Variants in PATJ observed in about 807,000 individuals in gnomAD.
PATJ encodes PATJ crumbs cell polarity complex component.
A neutral mutation model predicts 224.9 loss-of-function variants in PATJ; 190 were observed. That is an observed-to-expected ratio of 0.84 (90% CI 0.75 to 0.95). The LOEUF (loss-of-function observed/expected upper bound fraction) is 0.95. PATJ is among the 40% of genes least tolerant of loss of function. The pLI, the probability that PATJ is intolerant of heterozygous loss-of-function variation, is 0.00. For missense variants in PATJ, 2,121 were observed against 2,270.3 expected (o/e 0.93, Z 1.34); for synonymous variants, 769 against 820.3 (o/e 0.94, Z 1.07).
intron 29 of PATJ, among the ~76,000 whole-genome samples, chr1:62,035,304 A>T (rs11590485): frequency 0.36 from 54,730 of 152,042 alleles, 10,379 homozygotes; most frequent in Middle Eastern, 0.48. Flanking sequence ...TTTTCTCCCA[A>T]TTGCTTTGGT....
chr1:62,045,421 A>G (rs188306082), intron 30 of PATJ, among the ~76,000 whole-genome samples: 3 of 152,306 alleles, frequency 2.0e-5, no homozygotes, highest in African/African-American at 4.8e-5. Context: ...CACTTCTGCA[A>G]TCACTTATGT....
chr1:62,146,401 CA>C (rs963385534), intron 41 of PATJ, among the ~76,000 whole-genome samples: 160 of 152,294 alleles, frequency 1.1e-3, no homozygotes, highest in African/African-American at 3.8e-3. Context: ...TCCATTGTAA[CA>C]GAAACATCCT....
At chr1:62,142,660 C>T (rs1057193142) in intron 41 of PATJ, among the ~76,000 whole-genome samples, 6 of 152,126 alleles carry the variant, frequency 3.9e-5, no homozygotes, top group Non-Finnish European at 7.3e-5. Context: ...GTGAGAAATA[C>T]TTGGAGAGTG....
In PATJ at chr1:62,125,288, A is replaced by G. The variant is rs139957048; in HGVS notation, c.5043+2230A>G. Among the ~76,000 whole-genome samples the G allele has an allele frequency of 6.0e-3, 902 of 149,266 alleles. 13 individuals are homozygous for G. The highest frequency in any genetic ancestry group is 0.021 in the African/African-American group (828 of 40,130). ...ACAAAAAAAAAACGCCATTAGCTCT[A>G]TAATAGTTAGCAACTCAACCTCAAT... On this transcript the variant is annotated intron_variant, in intron 39 of 43. Coordinates refer to ENST00000642238, the MANE Select transcript of PATJ (RefSeq NM_001350145.3).
At chr1:61,796,660 TTC>T (rs1431123649) in intron 10 of PATJ, among the ~76,000 whole-genome samples, 2 of 49,984 alleles carry the variant, frequency 4.0e-5, no homozygotes, top group Admixed American at 2.5e-4. Context: ...TAAATTTATT[TTC>T]TTTCTTTCTT....
rs1394385220 is a variant in PATJ at position 62,060,223 on chromosome 1, G to A, written c.4125+9165G>A. On this transcript the variant is annotated intron_variant, in intron 31 of 43. Transcript: ENST00000642238. ...CCGTAATGAAAGCGTTAATACTGTCGTCATCTCCATTTTGCAGCTGAGGGA... is the reference window on the plus strand; with the variant it reads ...CCGTAATGAAAGCGTTAATACTGTCATCATCTCCATTTTGCAGCTGAGGGA... Among the ~76,000 whole-genome samples, 5 of 152,234 alleles carry A rather than the reference G, an allele frequency of 3.3e-5. No homozygotes were observed. The South Asian group carries it at 6.2e-4, about 19-fold the overall frequency.
intron 22 of PATJ, among the ~76,000 whole-genome samples, chr1:61,897,557 A>G (rs1406018635): frequency 6.6e-6 from 1 of 152,154 alleles, no homozygotes; most frequent in Non-Finnish European, 1.5e-5. Flanking sequence ...TTTGCCACCA[A>G]TTTCACCTGT....
rs141530445 is a variant in PATJ, at chr1:61,911,695, T to TTATATATATATA, written c.3493-2880_3493-2869dup. Among the ~76,000 whole-genome samples the TTATATATATATA allele has an allele frequency of 6.6e-3, 928 of 140,530 alleles. 12 individuals carry two copies. Among genetic ancestry groups the TTATATATATATA allele is most frequent in the African/African-American group, 0.023 (878 of 38,240 alleles). 92.2% of individuals were successfully genotyped at this position (140,530 alleles called of 152,430 possible). A position where few individuals can be genotyped will look rare whatever the true frequency, so the allele number is the denominator to read the frequency against. ...CAGAAATTCCATCATCTATATATTT[T>TTATATATATATA]TATATATATATATATATATATATCA... On this transcript the variant is annotated intron_variant, in intron 25 of 43. Coordinates refer to ENST00000642238, the MANE Select transcript of PATJ (RefSeq NM_001350145.3).
chr1:61,888,480 T>C (rs1669181948), intron 22 of PATJ, among the ~76,000 whole-genome samples: 1 of 151,882 alleles, frequency 6.6e-6, no homozygotes, highest in Non-Finnish European at 1.5e-5. Context: ...GTAGAGATGG[T>C]GTCTCGCCAT....
intron 41 of PATJ, among the ~76,000 whole-genome samples, chr1:62,147,208 G>A (rs141800409): frequency 0.013 from 1,927 of 152,232 alleles, 14 homozygotes; most frequent in Non-Finnish European, 0.019. Context: ...GAGACAATGG[G>A]ATGGGATAAT....
chr1:61,797,865 C>T (rs867203238), intron 11 of PATJ, among the ~76,000 whole-genome samples: 1 of 150,444 alleles, frequency 6.6e-6, no homozygotes. Context: ...TGCAGTGGCA[C>T]GATCTTGGCT....
At chr1:61,779,896 G>A (rs910672369) in intron 7 of PATJ, among the ~76,000 whole-genome samples, 6 of 152,134 alleles carry the variant, frequency 3.9e-5, no homozygotes, top group African/African-American at 1.4e-4. Flanking sequence ...CGTGGGCAGC[G>A]AGGAAGTGGT....
chr1:62,003,267 C>A (rs1044121775), intron 28 of PATJ, among the ~76,000 whole-genome samples: 2 of 152,198 alleles, frequency 1.3e-5, no homozygotes, highest in African/African-American at 4.8e-5. Context: ...TAGAACAACA[C>A]AGAAACATAT....
intron 15 of PATJ, among the ~76,000 whole-genome samples, chr1:61,825,806 G>T (rs1380779508): frequency 6.6e-6 from 1 of 152,186 alleles, no homozygotes; most frequent in Non-Finnish European, 1.5e-5. Context: ...TTTCTAATTT[G>T]TTGAAGTGAA....
intron 17 of PATJ, among the ~76,000 whole-genome samples, chr1:61,854,454 G>T (rs1210252444): frequency 6.6e-6 from 1 of 152,144 alleles, no homozygotes; most frequent in South Asian, 2.1e-4. Flanking sequence ...AAGAGACTCT[G>T]CTCAATCATA....
chr1:62,148,413 G>T (rs777324457), intron 42 of PATJ, 23 bp downstream of exon 42: 2 of 1,511,752 alleles, frequency 1.3e-6, no homozygotes, highest in Non-Finnish European at 1.8e-6. Context: ...GATGCAGAGG[G>T]CCTATTATGC....
chr1:61,811,921 C>T (rs1022535966), intron 14 of PATJ, among the ~76,000 whole-genome samples: 2 of 151,292 alleles, frequency 1.3e-5, no homozygotes, highest in African/African-American at 4.9e-5. Context: ...ATTAGCCGGG[C>T]GTGGTGGCGG....
intron 30 of PATJ, chr1:62,038,522 A>G (rs6685442): frequency 0.2 from 31,690 of 160,016 alleles, 3,491 homozygotes; most frequent in Non-Finnish European, 0.25. Context: ...TTGTGTCCCC[A>G]GCTGAGGGGA....
At chr1:62,145,303 G>A (rs1433455877) in intron 41 of PATJ, among the ~76,000 whole-genome samples, 1 of 152,202 alleles carries the variant, frequency 6.6e-6, no homozygotes, top group Non-Finnish European at 1.5e-5. Flanking sequence ...CTAATATGAA[G>A]TGATAGACAA....
Sources: gnomAD v4.1 joint callset for allele counts (sites outside exome capture counted in the v4.1 genomes callset) on GRCh38, gnomAD v4.1.1 for gene constraint, MANE v1.5 for transcripts, NCBI Gene and HGNC (gene_info 2026-07-23, HGNC 2026-07-21) for gene names.